The following BMP5 variants were observed in gnomAD, a reference collection of about 807,000 sequenced individuals.
BMP5 encodes the protein bone morphogenetic protein 5.
Under a neutral mutation model 46.6 loss-of-function variants are expected in BMP5, and 23 were observed. The observed-to-expected ratio is 0.49, with a 90% CI of 0.35 to 0.70. The LOEUF is 0.70. Among genes scored for constraint, BMP5 ranks in the 30% least tolerant of loss-of-function variants. BMP5 has a pLI of 0.00. For missense variants in BMP5, 545 were observed against 565.6 expected (o/e 0.96, Z 0.37); for synonymous variants, 204 against 191.9 (o/e 1.06, Z -0.52).
At chr6:55,856,510 A>T (rs1376478781) in intron 1 of BMP5, among the ~76,000 whole-genome samples, 1 of 152,084 alleles carries the variant, frequency 6.6e-6, no homozygotes, top group Non-Finnish European at 1.5e-5. Flanking sequence ...TACGTGTTTT[A>T]GTTGGTCTGC....
intron 3 of BMP5, among the ~76,000 whole-genome samples, chr6:55,780,797 T>C (rs1775298344): frequency 6.6e-6 from 1 of 152,010 alleles, no homozygotes; most frequent in South Asian, 2.1e-4. Flanking sequence ...AAGTAGGGCC[T>C]GAGGACAGAG....
chr6:55,772,673 T>C (rs1775075770), intron 4 of BMP5: 1 of 768,604 alleles, frequency 1.3e-6, no homozygotes, highest in Non-Finnish European at 1.6e-6. Flanking sequence ...AAAATAGCGT[T>C]GTAATAAGGC....
chr6:55,768,802 A>G (rs1360841142), intron 4 of BMP5, among the ~76,000 whole-genome samples: 1 of 151,948 alleles, frequency 6.6e-6, no homozygotes, highest in Non-Finnish European at 1.5e-5. Flanking sequence ...TGTCAGAGAC[A>G]TTTACTGGGG....
At chr6:55,852,933 C>T (rs1431048108) in intron 1 of BMP5, among the ~76,000 whole-genome samples, 1 of 151,864 alleles carries the variant, frequency 6.6e-6, no homozygotes, top group Non-Finnish European at 1.5e-5. Flanking sequence ...AGATCGAGAC[C>T]ATCCTGGCTA....
chr6:55,824,437 T>C (rs1161368559), intron 1 of BMP5, among the ~76,000 whole-genome samples: 1 of 151,974 alleles, frequency 6.6e-6, no homozygotes, highest in Non-Finnish European at 1.5e-5. Context: ...TTATCAGATA[T>C]AGATACACAA....
At chr6:55,835,947 A>T (rs1355173288) in intron 1 of BMP5, among the ~76,000 whole-genome samples, 2 of 152,198 alleles carry the variant, frequency 1.3e-5, no homozygotes, top group African/African-American at 4.8e-5. Context: ...TGTAATCTAT[A>T]CCACTGTATG....
chr6:55,827,370 A>T (rs1287689307), intron 1 of BMP5, among the ~76,000 whole-genome samples: 1 of 151,678 alleles, frequency 6.6e-6, no homozygotes, highest in African/African-American at 2.4e-5. Flanking sequence ...TTTTTTAAAA[A>T]TGTTTGTTAT....
At chr6:55,864,262 G>A (rs1447157011) in intron 1 of BMP5, among the ~76,000 whole-genome samples, 1 of 152,128 alleles carries the variant, frequency 6.6e-6, no homozygotes, top group Non-Finnish European at 1.5e-5. Context: ...CCTCTCCTAA[G>A]CTCATGTTGA....
chr6:55,851,114 T>C (rs1476092410), intron 1 of BMP5, among the ~76,000 whole-genome samples: 1 of 132,408 alleles, frequency 7.6e-6, no homozygotes, highest in African/African-American at 3.1e-5. Flanking sequence ...TTTTTTGTTT[T>C]TGTTTTGTTT....
chr6:55,847,792 T>G (rs954997035), intron 1 of BMP5, among the ~76,000 whole-genome samples: 2 of 151,870 alleles, frequency 1.3e-5, no homozygotes, highest in Non-Finnish European at 2.9e-5. Context: ...ATCTTAGCCA[T>G]CAAAATATCA....
chr6:55,789,324 A>C (rs1303753038), intron 3 of BMP5, among the ~76,000 whole-genome samples: 4 of 151,990 alleles, frequency 2.6e-5, no homozygotes, highest in Non-Finnish European at 5.9e-5. Flanking sequence ...CCAAAATGCT[A>C]TCTTTGTTTT....
intron 2 of BMP5, among the ~76,000 whole-genome samples, chr6:55,800,434 A>T (rs995339387): frequency 6.6e-6 from 1 of 152,246 alleles, no homozygotes; most frequent in African/African-American, 2.4e-5. Context: ...GTGTATAAAC[A>T]TTCAACTTCT....
In BMP5 at chr6:55,850,350, GTAGGTAGATAGA is replaced by G. The variant is rs1353375565; in HGVS notation, c.490+24014_490+24025del. 7.4e-5 allele frequency among the ~76,000 whole-genome samples: 4 copies of G among 53,718 alleles called. No homozygotes were observed. The South Asian group carries it at 1.3e-3, about 17-fold the overall frequency. The allele number at this position is 53,718 out of a possible 152,430, so 35.2% of individuals were successfully genotyped here. A position where few individuals can be genotyped will look rare whatever the true frequency, so the allele number is the denominator to read the frequency against. On this transcript the variant is annotated intron_variant, in intron 1 of 6. Transcript: ENST00000370830. Reference sequence around the variant, plus strand: ...TATTTATAGATAGGTAGTTAGGTAAGTAGGTAGATAGATAGATAGATAGATAGATAGATAGAT... The same window carrying G: ...TATTTATAGATAGGTAGTTAGGTAAGTAGATAGATAGATAGATAGATAGAT...
chr6:55,790,269 A>G (rs1775545156), intron 3 of BMP5, among the ~76,000 whole-genome samples: 1 of 152,178 alleles, frequency 6.6e-6, no homozygotes, highest in Non-Finnish European at 1.5e-5. Flanking sequence ...TGGCAAGTGA[A>G]CTACAAGACC....
chr6:55,825,556 CTT>C (rs1776509796), intron 1 of BMP5, among the ~76,000 whole-genome samples: 1 of 151,588 alleles, frequency 6.6e-6, no homozygotes, highest in Non-Finnish European at 1.5e-5. Flanking sequence ...ACACTGAAGA[CTT>C]TTATTGTTGA....
At chr6:55,821,894 G>A (rs1035800928) in intron 1 of BMP5, among the ~76,000 whole-genome samples, 12 of 151,958 alleles carry the variant, frequency 7.9e-5, no homozygotes, top group Admixed American at 7.9e-4. Flanking sequence ...TTGCTTTCAG[G>A]GAACTAAATC....
intron 5 of BMP5, among the ~76,000 whole-genome samples, chr6:55,759,724 G>A (rs185973394): frequency 2.2e-3 from 338 of 151,778 alleles, no homozygotes; most frequent in Non-Finnish European, 3.6e-3. Flanking sequence ...GATAAATTTC[G>A]GGAAGCTAAA....
chr6:55,791,796 T>C (rs559686903), intron 3 of BMP5, among the ~76,000 whole-genome samples: 4 of 152,298 alleles, frequency 2.6e-5, no homozygotes, highest in South Asian at 2.1e-4. Flanking sequence ...TCATATTTCA[T>C]AGATTTCTTG....
At chr6:55,790,663 ATTTACTTACTGTTTCT>A (rs1315991574) in intron 3 of BMP5, among the ~76,000 whole-genome samples, 2 of 152,144 alleles carry the variant, frequency 1.3e-5, no homozygotes, top group African/African-American at 4.8e-5. Context: ...CATAGTGTGC[ATTTACTTACTGTTTCT>A]TCATCCAGGA....
Sources: allele counts gnomAD v4.1 joint callset (sites outside exome capture counted in the v4.1 genomes callset), GRCh38; gene constraint gnomAD v4.1.1; transcripts MANE v1.5; gene names NCBI Gene and HGNC (gene_info 2026-07-23, HGNC 2026-07-21).